Variants in MCF2L2 observed in about 807,000 individuals in gnomAD.
MCF2L2 encodes probable guanine nucleotide exchange factor MCF2L2.
MCF2L2 carries 102 observed loss-of-function variants against 150.2 expected under a neutral mutation model. The ratio of observed to expected loss-of-function variants is 0.68; its 90% CI spans 0.58 to 0.80. The LOEUF (loss-of-function observed/expected upper bound fraction) is 0.80. Ranked by LOEUF, MCF2L2 falls within the 30% of genes least tolerant of loss-of-function variation. The probability of loss-of-function intolerance (pLI) is 0.00; values close to 1 mark genes in which losing one functional copy is unlikely to be tolerated. For synonymous variants in MCF2L2, 465 were observed against 491.3 expected (o/e 0.95, Z 0.71); for missense variants, 1,256 against 1,372.8 (o/e 0.91, Z 1.34).
intron 15 of MCF2L2, among the ~76,000 whole-genome samples, chr3:183,243,472 G>A (rs4560324): frequency 0.044 from 6,700 of 152,216 alleles, 466 homozygotes; most frequent in African/African-American, 0.15. Flanking sequence ...CACAATTTCA[G>A]CTCTTTCTCT....
intron 22 of MCF2L2, among the ~76,000 whole-genome samples, chr3:183,213,248 GAA>G: frequency 8.4e-6 from 1 of 118,960 alleles, no homozygotes; most frequent in African/African-American, 3.0e-5. Context: ...CATTGGATTT[GAA>G]AAAAAAAAAA....
intron 3 of MCF2L2, among the ~76,000 whole-genome samples, chr3:183,342,689 C>T (rs1730752777): frequency 6.8e-6 from 1 of 146,852 alleles, no homozygotes; most frequent in African/African-American, 2.5e-5. Flanking sequence ...TATGTACAAA[C>T]ATGTAAAATG....
At chr3:183,323,859 C>A (rs1423248216) in intron 5 of MCF2L2, among the ~76,000 whole-genome samples, 1 of 150,252 alleles carries the variant, frequency 6.7e-6, no homozygotes, top group Admixed American at 6.6e-5. Flanking sequence ...CCATTTTTTG[C>A]TTTTGAGTGA....
intron 13 of MCF2L2, among the ~76,000 whole-genome samples, chr3:183,292,564 C>CAA (rs1728219584): frequency 6.6e-6 from 1 of 150,660 alleles, no homozygotes; most frequent in Non-Finnish European, 1.5e-5. Context: ...TGTACACACA[C>CAA]ACACACACAC....
rs768313443 is a variant in MCF2L2 at position 183,295,314 on chromosome 3, T to C, written c.1661A>G (p.Gln554Arg). 1 of 1,608,352 alleles carries C rather than the reference T, an allele frequency of 6.2e-7. No individual in the cohort carries two copies. Among genetic ancestry groups the C allele is most frequent in the Non-Finnish European group, 8.5e-7 (1 of 1,177,280 alleles). The change falls in exon 13 of 30, where the codon CAG becomes CGG. Residue 554 changes from glutamine to arginine, a missense_variant. By Grantham distance (43) the Gln-to-Arg change is conservative. Transcript: ENST00000328913. ...SPKWVSSKTS[Q>R]PSTSVPLARP... is the part of the protein sequence containing the mutation. Reference sequence around the variant, plus strand: ...AAATAACCTACCCGAGGTGGAGGGCTGGCTGGTTTTTGATGACACCCATTT... The same window carrying C: ...AAATAACCTACCCGAGGTGGAGGGCCGGCTGGTTTTTGATGACACCCATTT...
chr3:183,418,944 G>T (rs1162097248), intron 1 of MCF2L2, among the ~76,000 whole-genome samples: 1 of 152,204 alleles, frequency 6.6e-6, no homozygotes, highest in African/African-American at 2.4e-5. Flanking sequence ...TCCCCACTGG[G>T]GACTCTTATT....
At chr3:183,375,909 G>C (rs1397414764) in intron 3 of MCF2L2, 1 of 152,170 alleles carries the variant, frequency 6.6e-6, no homozygotes, top group Admixed American at 6.5e-5. Flanking sequence ...TTTGAAATCT[G>C]ACATGGAAAT....
At chr3:183,195,347 T>C (rs1189124204) in intron 25 of MCF2L2, 92 bp from the exon 26 acceptor site, 4 of 812,642 alleles carry the variant, frequency 4.9e-6, no homozygotes, top group Non-Finnish European at 8.3e-6. Flanking sequence ...CATATATGCA[T>C]AAAGAGAATA....
intron 3 of MCF2L2, among the ~76,000 whole-genome samples, chr3:183,354,060 G>T (rs1006245614): frequency 6.6e-6 from 1 of 151,998 alleles, no homozygotes; most frequent in African/African-American, 2.4e-5. Context: ...AACAGAAAGC[G>T]GGGTCAGACT....
chr3:183,223,901 G>GT (rs1165254691), intron 19 of MCF2L2, among the ~76,000 whole-genome samples, 197 bp downstream of exon 19: 37 of 152,230 alleles, frequency 2.4e-4, no homozygotes, highest in African/African-American at 8.4e-4. Context: ...GAAGACACTG[G>GT]TTTTCTCACC....
rs752647498 is a variant in MCF2L2 at position 183,231,016 on chromosome 3, G to A, written c.1864C>T (p.Arg622Cys). 67 of 1,612,112 alleles carry A rather than the reference G, an allele frequency of 4.2e-5. No individual in the cohort carries two copies. The highest frequency in any genetic ancestry group is 5.5e-5 in the South Asian group (5 of 91,058). The stretch of plus-strand genomic sequence containing the variant: ...GTCTCAAGCAAGTCACGTATAATGC[G>A]CCTGAATCACAGCAGCAGGTGGGAG... Reference protein sequence around the residue: ...ARLGDLSPRRRIIRDLLETEE... With the variant: ...ARLGDLSPRRCIIRDLLETEE... The change falls in exon 16 of 30, where the codon CGC becomes TGC. Residue 622 changes from arginine to cysteine, a missense_variant and splice_region_variant. Arg to Cys is a radical substitution (Grantham distance 180). Coordinates refer to ENST00000328913, the MANE Select transcript of MCF2L2 (RefSeq NM_015078.4).
chr3:183,387,374 G>A (rs965550788), intron 2 of MCF2L2, among the ~76,000 whole-genome samples: 3 of 152,120 alleles, frequency 2.0e-5, no homozygotes, highest in Admixed American at 2.0e-4. Context: ...TAAAGCAGAA[G>A]TGTCTTCTGC....
intron 3 of MCF2L2, among the ~76,000 whole-genome samples, chr3:183,357,092 G>C (rs1317040812): frequency 6.6e-6 from 1 of 152,072 alleles, no homozygotes; most frequent in African/African-American, 2.4e-5. Context: ...TGAAATCAGT[G>C]ATTTGAAGTT....
rs1056895440 is a variant in MCF2L2, at chr3:183,272,871, C to T, written c.1862+4001G>A. 24 of 1,290,934 alleles carry T rather than the reference C, an allele frequency of 1.9e-5. No homozygotes were observed. In the African/African-American group the frequency reaches 3.3e-4, roughly 18 times the overall value. The allele number at this position is 1,290,934 out of a possible 1,614,324, so 80.0% of individuals were successfully genotyped here. On this transcript the variant is annotated intron_variant, in intron 15 of 29. Coordinates refer to ENST00000328913, the MANE Select transcript of MCF2L2 (RefSeq NM_015078.4). The stretch of plus-strand genomic sequence containing the variant: ...CTGGCCATCAAAGTGATCTTGTTTA[C>T]AGCAGTGCTTTTGTGAAACAATTAT...
chr3:183,354,169 A>AATAAGATG (rs1446677421), intron 3 of MCF2L2, among the ~76,000 whole-genome samples: 1 of 152,236 alleles, frequency 6.6e-6, no homozygotes, highest in Non-Finnish European at 1.5e-5. Flanking sequence ...TCTTTATAGC[A>AATAAGATG]ATAAGATGCC....
chr3:183,316,210 A>C (rs1380936969), intron 7 of MCF2L2, among the ~76,000 whole-genome samples: 4 of 152,222 alleles, frequency 2.6e-5, no homozygotes, highest in Non-Finnish European at 5.9e-5. Context: ...CTTAGCCAGT[A>C]GGTTTGGAAA....
chr3:183,253,776 C>T (rs1724737003), intron 15 of MCF2L2: 1 of 152,300 alleles, frequency 6.6e-6, no homozygotes, highest in South Asian at 2.1e-4. Context: ...CAGCACAGTC[C>T]GCCTCTTGGC....
intron 6 of MCF2L2, among the ~76,000 whole-genome samples, chr3:183,322,732 A>G (rs1238343952): frequency 6.6e-6 from 1 of 152,124 alleles, no homozygotes; most frequent in East Asian, 1.9e-4. Context: ...TGATCCTGTC[A>G]CCCAGGTAGT....
At chr3:183,253,392 C>T (rs898219117) in intron 15 of MCF2L2, 1 of 152,210 alleles carries the variant, frequency 6.6e-6, no homozygotes, top group Non-Finnish European at 1.5e-5. Context: ...AGCCGACCTC[C>T]GATTTGGACA....
Sources: allele counts gnomAD v4.1 joint callset (sites outside exome capture counted in the v4.1 genomes callset), GRCh38; gene constraint gnomAD v4.1.1; transcripts MANE v1.5; gene names NCBI Gene and HGNC (gene_info 2026-07-23, HGNC 2026-07-21).